The following GDAP1 variants were observed in gnomAD, a reference collection of about 807,000 sequenced individuals.
The protein encoded by GDAP1 is ganglioside induced differentiation associated protein 1.
GDAP1 carries 34 observed loss-of-function variants against 40.1 expected under a neutral mutation model. That is an observed-to-expected ratio of 0.85 (90% CI 0.64 to 1.13). The LOEUF is 1.13. Among genes scored for constraint, GDAP1 ranks in the 50% most tolerant of loss-of-function variants. The pLI is 0.00. For missense variants in GDAP1, 374 were observed against 433.7 expected, an observed-to-expected ratio of 0.86 and a Z score of 1.22; for synonymous variants, 170 against 157.4, an observed-to-expected ratio of 1.08 and a Z score of -0.60.
chr8:74,446,674 C>T (rs1006901477), intron 2 of GDAP1, among the ~76,000 whole-genome samples: 2 of 151,994 alleles, frequency 1.3e-5, no homozygotes, highest in Non-Finnish European at 2.9e-5. Flanking sequence ...CTAGGTGCCA[C>T]GTTTACATAA....
chr8:74,472,439 T>C (rs938862496), intron 2 of GDAP1, among the ~76,000 whole-genome samples: 96 of 152,216 alleles, frequency 6.3e-4, no homozygotes, highest in Admixed American at 1.2e-3. Context: ...TTATATTTCT[T>C]TGGGTATGTT....
intron 2 of GDAP1, among the ~76,000 whole-genome samples, chr8:74,456,657 C>T (rs529542798): frequency 1.4e-4 from 22 of 151,882 alleles, no homozygotes; most frequent in Middle Eastern, 3.4e-3. Flanking sequence ...TTCTTGAAGA[C>T]AGTTATAATA....
intron 2 of GDAP1, among the ~76,000 whole-genome samples, chr8:74,353,714 C>A (rs1304971191): frequency 1.3e-5 from 2 of 152,132 alleles, no homozygotes; most frequent in African/African-American, 4.8e-5. Flanking sequence ...CTCTGCAGAC[C>A]TATCAAATTA....
At chr8:74,474,718 C>T (rs549360932) in intron 2 of GDAP1, among the ~76,000 whole-genome samples, 1 of 152,198 alleles carries the variant, frequency 6.6e-6, no homozygotes, top group East Asian at 1.9e-4. Flanking sequence ...AGGATTTTTG[C>T]ATCAATGTTC....
chr8:74,430,788 C>T (rs12541899), intron 2 of GDAP1, among the ~76,000 whole-genome samples: 87,001 of 151,246 alleles, frequency 0.58, 29,530 homozygotes, highest in Non-Finnish European at 0.77. Flanking sequence ...GGAACTCTTC[C>T]CAATGGCTTT....
intron 2 of GDAP1, among the ~76,000 whole-genome samples, chr8:74,418,867 A>G (rs1805820778): frequency 1.9e-5 from 1 of 51,608 alleles, no homozygotes; most frequent in Admixed American, 1.7e-4. Flanking sequence ...AAAAATAGAC[A>G]AAAGACTTTA....
At position 74,364,110 on chromosome 8, in the gene GDAP1, C is replaced by A; in HGVS notation, c.820C>A (p.Pro274Thr). ...GAGAAACTGGGGAAACGGAAAGCGA[C>A]CAAACTTGGAAACCTATTACGAGCG... is the stretch of plus-strand genomic sequence containing the variant. ...ARRNWGNGKR[P>T]NLETYYERVL... The change falls in exon 6 of 6, where the codon CCA becomes ACA. Residue 274 changes from proline to threonine, a missense_variant. Physicochemically the swap from Pro to Thr is conservative, Grantham distance 38. Transcript: ENST00000220822. The A allele has an allele frequency of 6.2e-7, 1 of 1,614,132 alleles. No homozygotes were observed.
At chr8:74,392,239 G>C (rs1442569508) in intron 2 of GDAP1, among the ~76,000 whole-genome samples, 1 of 152,122 alleles carries the variant, frequency 6.6e-6, no homozygotes, top group Non-Finnish European at 1.5e-5. Flanking sequence ...TAACAATAAA[G>C]TGAGGATTTA....
Position 74,451,923 on chromosome 8 carries a change from CTTAATTTAATTTAAT to C in GDAP1, c.166-36727_166-36713del, listed in dbSNP as rs543598612. 5.5e-5 allele frequency among the ~76,000 whole-genome samples: 3 copies of C among 54,614 alleles called. 1 individual carries two copies. The highest frequency in any genetic ancestry group is 2.1e-4 in the Admixed American group (1 of 4,826). 35.8% of individuals were successfully genotyped at this position (54,614 alleles called of 152,430 possible). On this transcript the variant is annotated intron_variant, in intron 2 of 2. Transcript: ENST00000523640. ...GCCTTGGTATGCTGCTCTTTATTTT[CTTAATTTAATTTAAT>C]TTAATTTAATTTAATTTAATTTAAT...
At chr8:74,362,134 T>C (rs1008997357) in intron 4 of GDAP1, among the ~76,000 whole-genome samples, 156 bp downstream of exon 4, 2 of 152,202 alleles carry the variant, frequency 1.3e-5, no homozygotes, top group Non-Finnish European at 2.9e-5. Context: ...TTAGAAAGAA[T>C]TTTTTATTAG....
intron 2 of GDAP1, among the ~76,000 whole-genome samples, chr8:74,354,841 A>G (rs919073293): frequency 6.6e-6 from 1 of 152,206 alleles, no homozygotes; most frequent in African/African-American, 2.4e-5. Flanking sequence ...ATGAGATAGA[A>G]TAAGTGGATG....
At chr8:74,361,247 C>T (rs879776044) in intron 3 of GDAP1, among the ~76,000 whole-genome samples, 4 of 152,026 alleles carry the variant, frequency 2.6e-5, no homozygotes, top group Non-Finnish European at 5.9e-5. Context: ...TTTTTCCTCC[C>T]TTCATATAGG....
At chr8:74,461,608 A>G (rs542533701) in intron 2 of GDAP1, among the ~76,000 whole-genome samples, 2 of 152,218 alleles carry the variant, frequency 1.3e-5, no homozygotes, top group Non-Finnish European at 2.9e-5. Context: ...GATGTTTGGC[A>G]TCATCCAGAC....
At chr8:74,417,094 A>G (rs1009124782) in intron 2 of GDAP1, among the ~76,000 whole-genome samples, 1 of 149,138 alleles carries the variant, frequency 6.7e-6, no homozygotes, top group Non-Finnish European at 1.5e-5. Context: ...GGTTTCTCCC[A>G]TGGGAGCTTG....
intron 2 of GDAP1, among the ~76,000 whole-genome samples, chr8:74,383,380 A>G (rs1377434248): frequency 1.3e-5 from 2 of 152,212 alleles, no homozygotes; most frequent in Non-Finnish European, 2.9e-5. Flanking sequence ...TTCCAAATGC[A>G]TTCCACTGAA....
chr8:74,418,015 T>C (rs1392320925), intron 2 of GDAP1, among the ~76,000 whole-genome samples: 1 of 152,112 alleles, frequency 6.6e-6, no homozygotes, highest in Non-Finnish European at 1.5e-5. Flanking sequence ...AAATGACAAA[T>C]TGCTGATGAA....
chr8:74,418,077 T>C (rs1019026972), intron 2 of GDAP1, among the ~76,000 whole-genome samples: 2 of 152,194 alleles, frequency 1.3e-5, no homozygotes, highest in Admixed American at 1.3e-4. Context: ...TTTCATGGAT[T>C]GGGAATCTCA....
intron 2 of GDAP1, among the ~76,000 whole-genome samples, chr8:74,375,482 T>C (rs1261078053): frequency 6.6e-6 from 1 of 152,224 alleles, no homozygotes; most frequent in East Asian, 1.9e-4. Context: ...GGCTTAATGT[T>C]TGAAAATTAC....
chr8:74,445,885 C>G, intron 2 of GDAP1, among the ~76,000 whole-genome samples: 1 of 152,146 alleles, frequency 6.6e-6, no homozygotes, highest in East Asian at 1.9e-4. Context: ...ATTGAGCTAT[C>G]AGGTTATTGT....
Sources: allele counts gnomAD v4.1 joint callset (sites outside exome capture counted in the v4.1 genomes callset), GRCh38; gene constraint gnomAD v4.1.1; transcripts MANE v1.5; gene names NCBI Gene and HGNC (gene_info 2026-07-23, HGNC 2026-07-21).